Variants in ACSM6 observed in about 807,000 individuals in gnomAD.
The protein encoded by ACSM6 is acyl-coenzyme A synthetase ACSM6, mitochondrial.
In ACSM6, 35 loss-of-function variants were observed where a neutral mutation model predicts 51.1. The observed-to-expected ratio is 0.69, with a 90% confidence interval of 0.52 to 0.91. The LOEUF (loss-of-function observed/expected upper bound fraction) is 0.91, where lower values mean the gene tolerates loss of function less well. ACSM6 is among the 40% of genes least tolerant of loss of function. The pLI is 0.00. For synonymous variants in ACSM6, 172 were observed against 207.3 expected (o/e 0.83, Z 1.46); for missense variants, 509 against 584.1 (o/e 0.87, Z 1.32).
At chr10:95,197,284 T>A (rs1389659494) in intron 2 of ACSM6, among the ~76,000 whole-genome samples, 1 of 152,130 alleles carries the variant, frequency 6.6e-6, no homozygotes, top group Non-Finnish European at 1.5e-5. Context: ...AGAGACAAAG[T>A]ATAGAGAAAC....
chr10:95,223,729 A>T (rs555356316), intron 9 of ACSM6, among the ~76,000 whole-genome samples: 1 of 152,256 alleles, frequency 6.6e-6, no homozygotes, highest in East Asian at 1.9e-4. Flanking sequence ...CAGACTCAAC[A>T]GTAAAAAACT....
chr10:95,217,303 G>A (rs538577347), intron 8 of ACSM6, among the ~76,000 whole-genome samples: 10 of 147,316 alleles, frequency 6.8e-5, no homozygotes, highest in Admixed American at 1.3e-4. Flanking sequence ...AGCCAAGATC[G>A]CACCACTGCA....
At chr10:95,219,894 C>T in exon 9 of ACSM6, 6 of 1,613,044 alleles carry the variant, frequency 3.7e-6, no homozygotes, top group East Asian at 2.2e-5. Flanking sequence ...TGAACAGGGT[C>T]TACTCTGTGC....
intron 2 of ACSM6, among the ~76,000 whole-genome samples, chr10:95,200,429 A>C (rs1340320851): frequency 6.6e-6 from 1 of 151,926 alleles, no homozygotes; most frequent in Non-Finnish European, 1.5e-5. Flanking sequence ...GCACACCAAC[A>C]TGGCACATGT....
At chr10:95,217,628 C>A (rs1369585303) in intron 8 of ACSM6, among the ~76,000 whole-genome samples, 2 of 152,134 alleles carry the variant, frequency 1.3e-5, no homozygotes, top group East Asian at 1.9e-4. Flanking sequence ...ACACCAAAGC[C>A]TTTTTATAGG....
chr10:95,222,347 G>A (rs2035001685), intron 9 of ACSM6, among the ~76,000 whole-genome samples: 1 of 152,150 alleles, frequency 6.6e-6, no homozygotes, highest in Non-Finnish European at 1.5e-5. Flanking sequence ...TCTTGGCTGG[G>A]CAAGGTGGCT....
intron 9 of ACSM6, 125 bp from the exon 10 acceptor site, chr10:95,225,165 C>A (rs889066668): frequency 5.6e-6 from 4 of 712,962 alleles, no homozygotes; most frequent in Admixed American, 2.5e-5. Context: ...TCTAAGTACA[C>A]CAACCAAGCA....
chr10:95,210,923 G>A, intron 5 of ACSM6, 130 bp downstream of exon 5: 1 of 1,138,366 alleles, frequency 8.8e-7, no homozygotes, highest in Non-Finnish European at 1.2e-6. Context: ...TTGAGAGAAG[G>A]AACAGGGCTG....
intron 8 of ACSM6, among the ~76,000 whole-genome samples, chr10:95,215,719 A>T (rs987652637): frequency 6.6e-6 from 1 of 152,240 alleles, no homozygotes; most frequent in African/African-American, 2.4e-5. Flanking sequence ...CTGTAACAAA[A>T]TATCATAGAT....
At chr10:95,223,642 CA>C (rs1313488866) in intron 9 of ACSM6, among the ~76,000 whole-genome samples, 11 of 152,024 alleles carry the variant, frequency 7.2e-5, no homozygotes, top group African/African-American at 2.7e-4. Context: ...TTTATGGTAA[CA>C]ACCCTCAACA....
intron 6 of ACSM6, 144 bp downstream of exon 6, chr10:95,212,178 T>G (rs1011708427): frequency 1.4e-5 from 14 of 981,468 alleles, no homozygotes; most frequent in Non-Finnish European, 2.1e-5. Context: ...TCTCCCTGCT[T>G]GTGAGAGCAA....
At chr10:95,206,476 T>G (rs648695) in intron 3 of ACSM6, among the ~76,000 whole-genome samples, 78,836 of 151,982 alleles carry the variant, frequency 0.52, 21,365 homozygotes, top group Middle Eastern at 0.66. Flanking sequence ...CCCAAGAGAT[T>G]TCAGTGTGAG....
intron 9 of ACSM6, among the ~76,000 whole-genome samples, chr10:95,224,619 C>T (rs569003122): frequency 2.0e-5 from 3 of 152,122 alleles, no homozygotes; most frequent in Non-Finnish European, 2.9e-5. Context: ...AGGCTGGTCT[C>T]GAACTCCCGA....
At chr10:95,198,639 AG>A (rs2034759753) in intron 2 of ACSM6, among the ~76,000 whole-genome samples, 1 of 96,872 alleles carries the variant, frequency 1.0e-5, no homozygotes, top group Non-Finnish European at 2.0e-5. Flanking sequence ...CGACAGAGCA[AG>A]ACTGTCTCAA....
intron 2 of ACSM6, among the ~76,000 whole-genome samples, chr10:95,196,567 T>C (rs2034726262): frequency 6.6e-6 from 1 of 152,244 alleles, no homozygotes; most frequent in South Asian, 2.1e-4. Flanking sequence ...AATTTTCATA[T>C]ATATTTCTTT....
In ACSM6 at chr10:95,214,261, CTCTA is replaced by C. The variant is rs202180191; in HGVS notation, c.996-587_996-584del. Among the ~76,000 whole-genome samples, 283 of 152,246 alleles carry C rather than the reference CTCTA, an allele frequency of 1.9e-3. 7 individuals are homozygous for C. In the East Asian group the frequency reaches 0.047, roughly 25 times the overall value. Reference sequence around the variant, plus strand: ...TATTCAGAATATACAGGGTCACTGCCTCTATCTGAGACCATAAAAAGTTTTGCTA... The same window carrying C: ...TATTCAGAATATACAGGGTCACTGCCTCTGAGACCATAAAAAGTTTTGCTA... On this transcript the variant is annotated intron_variant, in intron 7 of 10. Coordinates refer to ENST00000341686, the Ensembl canonical transcript of ACSM6.
chr10:95,217,714 A>T (rs769794797), intron 8 of ACSM6, among the ~76,000 whole-genome samples: 6 of 152,196 alleles, frequency 3.9e-5, no homozygotes, highest in Non-Finnish European at 5.9e-5. Flanking sequence ...AGAAGACAAA[A>T]CAGCCAAATT....
chr10:95,198,493 T>C (rs1334711855), intron 2 of ACSM6, among the ~76,000 whole-genome samples: 1 of 151,936 alleles, frequency 6.6e-6, no homozygotes, highest in Non-Finnish European at 1.5e-5. Context: ...TCTACTAAAG[T>C]ACAAAAAATT....
Position 95,214,063 on chromosome 10 carries a change from G to A in ACSM6, c.996-789G>A, listed in dbSNP as rs1234548240. Reference sequence around the variant, plus strand: ...AAAAATTTTAAAATAGTCATCTCTCGCTTATACCCTGAAATTAATAATATA... The same window carrying A: ...AAAAATTTTAAAATAGTCATCTCTCACTTATACCCTGAAATTAATAATATA... On this transcript the variant is annotated intron_variant, in intron 7 of 10. Coordinates refer to ENST00000341686, the Ensembl canonical transcript of ACSM6. 3.9e-5 allele frequency among the ~76,000 whole-genome samples: 6 copies of A among 151,992 alleles called. No homozygotes were observed. In the East Asian group the frequency reaches 9.6e-4, roughly 24 times the overall value.
Sources: gnomAD v4.1 joint callset for allele counts (sites outside exome capture counted in the v4.1 genomes callset) on GRCh38, gnomAD v4.1.1 for gene constraint, MANE v1.5 for transcripts, NCBI Gene and HGNC (gene_info 2026-07-23, HGNC 2026-07-21) for gene names.